Variants in PACSIN2 observed in about 807,000 individuals in gnomAD.
PACSIN2 encodes the protein protein kinase C and casein kinase substrate in neurons protein 2.
Under a neutral mutation model 63.8 loss-of-function variants are expected in PACSIN2, and 25 were observed. That is an observed-to-expected ratio of 0.39 (90% CI 0.29 to 0.55). The LOEUF is 0.55. PACSIN2 is among the 20% of genes least tolerant of loss of function. The pLI, the probability that PACSIN2 is intolerant of heterozygous loss-of-function variation, is 0.62. For missense variants in PACSIN2, 518 were observed against 646.9 expected, an observed-to-expected ratio of 0.80 and a Z score of 2.16; for synonymous variants, 255 against 256.2, an observed-to-expected ratio of 1.00 and a Z score of 0.05.
At chr22:42,948,726 G>A (rs1243845108) in intron 1 of PACSIN2, among the ~76,000 whole-genome samples, 2 of 152,142 alleles carry the variant, frequency 1.3e-5, no homozygotes, top group African/African-American at 4.8e-5. Flanking sequence ...ACTCAACTAT[G>A]GTGCCGCTTT....
At chr22:43,001,913 G>T (rs981462418) in intron 1 of PACSIN2, among the ~76,000 whole-genome samples, 10 of 152,148 alleles carry the variant, frequency 6.6e-5, no homozygotes, top group Non-Finnish European at 1.2e-4. Flanking sequence ...TAAGCACCTT[G>T]TCCTTTGCAG....
intron 1 of PACSIN2, among the ~76,000 whole-genome samples, chr22:42,955,988 G>A (rs778706043): frequency 6.6e-6 from 1 of 152,206 alleles, no homozygotes; most frequent in African/African-American, 2.4e-5. Flanking sequence ...GAGTCAAAGA[G>A]AGAGTTCCAA....
At chr22:42,951,262 C>T (rs1303543567) in intron 1 of PACSIN2, among the ~76,000 whole-genome samples, 1 of 152,190 alleles carries the variant, frequency 6.6e-6, no homozygotes, top group African/African-American at 2.4e-5. Context: ...GCAGTATTAA[C>T]TGCATTCTCT....
intron 1 of PACSIN2, among the ~76,000 whole-genome samples, chr22:42,992,881 T>A (rs879461219): frequency 8.5e-5 from 13 of 152,196 alleles, no homozygotes; most frequent in Non-Finnish European, 1.9e-4. Context: ...GAATATATAC[T>A]GGCCGGAAGT....
chr22:42,979,078 G>A (rs1354466713), intron 1 of PACSIN2, among the ~76,000 whole-genome samples: 1 of 152,188 alleles, frequency 6.6e-6, no homozygotes, highest in Admixed American at 6.5e-5. Flanking sequence ...GACAACAGGG[G>A]TACTACAAAG....
At chr22:42,901,679 G>A (rs189790957) in intron 2 of PACSIN2, among the ~76,000 whole-genome samples, 1 of 151,974 alleles carries the variant, frequency 6.6e-6, no homozygotes, top group East Asian at 1.9e-4. Context: ...CACGGCGATC[G>A]CCTGACAAGG....
chr22:42,878,828 G>C (rs1481913737), intron 8 of PACSIN2, among the ~76,000 whole-genome samples: 1 of 151,254 alleles, frequency 6.6e-6, no homozygotes, highest in African/African-American at 2.5e-5. Flanking sequence ...TCTGGCACCA[G>C]GCAGGAAGAC....
chr22:42,934,664 C>T lies in PACSIN2; in HGVS notation c.-77-22507G>A, dbSNP rs1455850864. Among the ~76,000 whole-genome samples, 4 of 152,348 alleles carry T rather than the reference C, an allele frequency of 2.6e-5. No individual in the cohort carries two copies. In the South Asian group the frequency reaches 6.2e-4, roughly 24 times the overall value. Reference sequence around the variant, plus strand: ...TCATCTCCTCCAAGAAGCCCCCCACCGTTCTAGTGACCCTTTGCCCACCAC... The same window carrying T: ...TCATCTCCTCCAAGAAGCCCCCCACTGTTCTAGTGACCCTTTGCCCACCAC... On this transcript the variant is annotated intron_variant, in intron 1 of 10. Transcript: ENST00000263246.
At chr22:42,973,585 G>A (rs867395662) in intron 1 of PACSIN2, among the ~76,000 whole-genome samples, 1 of 152,242 alleles carries the variant, frequency 6.6e-6, no homozygotes, top group African/African-American at 2.4e-5. Context: ...TGCAAAGCTC[G>A]CAAGCAAGCT....
At chr22:42,937,831 A>ACCGGTCACACGATCTGAAGG in intron 1 of PACSIN2, among the ~76,000 whole-genome samples, 1 of 152,048 alleles carries the variant, frequency 6.6e-6, no homozygotes. Context: ...CGATCTGAAG[A>ACCGGTCACACGATCTGAAGG]CCAGTCACAC....
At chr22:42,884,289 G>T in intron 6 of PACSIN2, 97 bp downstream of exon 6, 1 of 1,132,966 alleles carries the variant, frequency 8.8e-7, no homozygotes, top group Non-Finnish European at 1.3e-6. Context: ...CCTGATGAAC[G>T]CGCCATCCCA....
intron 1 of PACSIN2, among the ~76,000 whole-genome samples, chr22:43,010,718 C>T (rs1158135469): frequency 6.6e-6 from 1 of 151,852 alleles, no homozygotes; most frequent in South Asian, 2.1e-4. Context: ...GTCTCAACAA[C>T]AACAACAACA....
chr22:42,962,786 G>GGC (rs1920927491), intron 1 of PACSIN2, among the ~76,000 whole-genome samples: 1 of 131,394 alleles, frequency 7.6e-6, no homozygotes, highest in Admixed American at 7.4e-5. Context: ...GGGGGGGGGG[G>GGC]GCGGCGCAGA....
At position 42,986,307 on chromosome 22, in the gene PACSIN2, G is replaced by A. The variant is rs75885763; in HGVS notation, c.-78+28714C>T. Among the ~76,000 whole-genome samples, 660 of 152,284 alleles carry A rather than the reference G, an allele frequency of 4.3e-3. 3 individuals are homozygous for A. The highest frequency in any genetic ancestry group is 0.015 in the African/African-American group (614 of 41,556). ...GACGCTGGGCTGCAGTGTGGTCAGC[G>A]AGTCTGGTAAGCACCCTGGCTGTTT... On this transcript the variant is annotated intron_variant, in intron 1 of 10. Coordinates refer to ENST00000263246, the MANE Select transcript of PACSIN2 (RefSeq NM_001184970.3).
At chr22:42,950,463 G>A (rs1465488965) in intron 1 of PACSIN2, among the ~76,000 whole-genome samples, 3 of 152,146 alleles carry the variant, frequency 2.0e-5, no homozygotes, top group Non-Finnish European at 4.4e-5. Flanking sequence ...GTTGAGGAAA[G>A]AAGGCCTGCA....
chr22:43,013,804 A>G (rs765504887), intron 1 of PACSIN2, among the ~76,000 whole-genome samples: 16 of 152,210 alleles, frequency 1.1e-4, no homozygotes, highest in Non-Finnish European at 1.6e-4. Flanking sequence ...AGTATTTGGT[A>G]AACAGTGTAC....
At chr22:42,941,670 T>C (rs1933165678) in intron 1 of PACSIN2, among the ~76,000 whole-genome samples, 1 of 152,244 alleles carries the variant, frequency 6.6e-6, no homozygotes, top group Non-Finnish European at 1.5e-5. Context: ...CATGTGCTTA[T>C]TGGCCATTTG....
intron 2 of PACSIN2, among the ~76,000 whole-genome samples, chr22:42,911,116 G>A (rs972364936): frequency 9.2e-5 from 14 of 151,976 alleles, no homozygotes; most frequent in African/African-American, 3.4e-4. Context: ...ATGTTGGCCA[G>A]GCTGGTCTTG....
intron 1 of PACSIN2, among the ~76,000 whole-genome samples, chr22:43,002,834 A>G (rs577081849): frequency 1.3e-5 from 2 of 152,272 alleles, no homozygotes; most frequent in South Asian, 4.1e-4. Flanking sequence ...CGTCAACAGG[A>G]TAATATAACC....
Sources: gnomAD v4.1 joint callset for allele counts (sites outside exome capture counted in the v4.1 genomes callset) on GRCh38, gnomAD v4.1.1 for gene constraint, MANE v1.5 for transcripts, NCBI Gene and HGNC (gene_info 2026-07-23, HGNC 2026-07-21) for gene names.